The following OOSP1 variants were observed in gnomAD, a reference collection of about 807,000 sequenced individuals.
OOSP1 encodes oocyte secreted protein 1.
A neutral mutation model predicts 5.7 loss-of-function variants in OOSP1; 11 were observed. The observed-to-expected ratio is 1.94, with a 90% CI of 1.22 to 3.20. The LOEUF is 3.20. Among genes scored for constraint, OOSP1 ranks in the 30% most tolerant of loss-of-function variants. The pLI is 0.00. For missense variants in OOSP1, 83 were observed against 54.1 expected (o/e 1.53, Z -1.67); for synonymous variants, 44 against 20.0 (o/e 2.20, Z -3.20).
chr11:59,957,130 A>G (rs1453257447), intron 4 of OOSP1, 65 bp from the exon 5 acceptor site: 2 of 395,770 alleles, frequency 5.1e-6, no homozygotes, highest in Non-Finnish European at 4.5e-6. Flanking sequence ...GCTTCTTTGA[A>G]TTCTGTAAAA....
At chr11:59,938,902 C>A (rs933639333) in intron 1 of OOSP1, among the ~76,000 whole-genome samples, 2 of 152,144 alleles carry the variant, frequency 1.3e-5, no homozygotes, top group Non-Finnish European at 2.9e-5. Context: ...GTGTCACATA[C>A]AGGAAGAAAG....
At chr11:59,946,217 A>C (rs970229906) in intron 3 of OOSP1, among the ~76,000 whole-genome samples, 1 of 152,162 alleles carries the variant, frequency 6.6e-6, no homozygotes, top group East Asian at 1.9e-4. Flanking sequence ...TGAACTTCGC[A>C]TGTGAGGGAT....
chr11:59,945,412 A>G, intron 3 of OOSP1, 146 bp downstream of exon 3: 1 of 692,186 alleles, frequency 1.4e-6, no homozygotes, highest in South Asian at 1.5e-5. Flanking sequence ...AGATCTCTTG[A>G]TCCTTGGTGT....
intron 4 of OOSP1, among the ~76,000 whole-genome samples, chr11:59,954,687 A>G (rs932059871): frequency 1.9e-4 from 29 of 151,946 alleles, no homozygotes; most frequent in African/African-American, 7.0e-4. Flanking sequence ...CTATCTACAT[A>G]TTCTTCTACA....
chr11:59,946,813 G>C (rs1260105985), intron 3 of OOSP1, among the ~76,000 whole-genome samples: 1 of 150,828 alleles, frequency 6.6e-6, no homozygotes, highest in Non-Finnish European at 1.5e-5. Flanking sequence ...GGATTTGTGG[G>C]TTAAGATTGG....
chr11:59,945,921 C>G (rs1853878388), intron 3 of OOSP1, among the ~76,000 whole-genome samples: 1 of 152,022 alleles, frequency 6.6e-6, no homozygotes, highest in Non-Finnish European at 1.5e-5. Flanking sequence ...AAAGCTGGAG[C>G]AGGCATACTC....
Position 59,957,220 on chromosome 11 carries a change from G to GAT in OOSP1, c.515_516dup (p.Leu173IlefsTer3). The GAT allele has an allele frequency of 2.5e-6, 1 of 397,816 alleles. No homozygotes were observed. Among genetic ancestry groups the GAT allele is most frequent in the Non-Finnish European group, 4.4e-6 (1 of 225,626 alleles). The allele number at this position is 397,816 out of a possible 1,614,324, so 24.6% of individuals were successfully genotyped here. A position where few individuals can be genotyped will look rare whatever the true frequency, so the allele number is the denominator to read the frequency against. ...GTTTTAAAAGTGAAGGTTATTTTTA[G>GAT]ATATCTGCTAATATTTATCTCAAGA... On this transcript the variant is annotated frameshift_variant, in exon 5 of 5. Transcript: ENST00000646685. LOFTEE classifies it high-confidence loss of function.
chr11:59,956,744 C>G (rs1468649399), intron 4 of OOSP1, among the ~76,000 whole-genome samples: 3 of 152,104 alleles, frequency 2.0e-5, no homozygotes, highest in Non-Finnish European at 4.4e-5. Flanking sequence ...TCCACTGTAT[C>G]TTTCTTATGC....
At chr11:59,952,833 A>T (rs923645749) in intron 4 of OOSP1, among the ~76,000 whole-genome samples, 2 of 152,182 alleles carry the variant, frequency 1.3e-5, no homozygotes, top group African/African-American at 4.8e-5. Flanking sequence ...TAGTTTTAGC[A>T]TCCACTGATT....
chr11:59,942,712 A>T, intron 1 of OOSP1, 135 bp from the exon 2 acceptor site: 1 of 573,182 alleles, frequency 1.7e-6, no homozygotes, highest in African/African-American at 1.9e-5. Context: ...ATGTTTTGCA[A>T]ACTTGTTCAC....
intron 2 of OOSP1, among the ~76,000 whole-genome samples, chr11:59,944,743 A>G (rs78497168): frequency 0.022 from 3,392 of 152,268 alleles, 106 homozygotes; most frequent in African/African-American, 0.073. Context: ...AAATAAGAAA[A>G]CAGACTTAAT....
chr11:59,947,869 AC>A lies in OOSP1; in HGVS notation c.486+10del, dbSNP rs1853901999. On this transcript the variant is annotated splice_region_variant and intron_variant, in intron 4 of 4. Coordinates refer to ENST00000646685, the Ensembl canonical transcript of OOSP1. ...CTTCTGCAACACAATCTTGGTAAGAACCCTTCAAAACTGGCATCTTATGATT... is the reference window on the plus strand; with the variant it reads ...CTTCTGCAACACAATCTTGGTAAGAACCTTCAAAACTGGCATCTTATGATT... The A allele has an allele frequency of 2.5e-6, 1 of 398,740 alleles. No homozygotes were observed. 24.7% of individuals were successfully genotyped at this position (398,740 alleles called of 1,614,324 possible). A position where few individuals can be genotyped will look rare whatever the true frequency, so the allele number is the denominator to read the frequency against.
At chr11:59,939,680 T>C (rs1442672425) in intron 1 of OOSP1, among the ~76,000 whole-genome samples, 1 of 151,604 alleles carries the variant, frequency 6.6e-6, no homozygotes, top group Non-Finnish European at 1.5e-5. Context: ...TCTCTTCCTG[T>C]TCCCTCTTCC....
intron 3 of OOSP1, among the ~76,000 whole-genome samples, chr11:59,946,340 C>A (rs1462303607): frequency 6.6e-6 from 1 of 152,204 alleles, no homozygotes; most frequent in African/African-American, 2.4e-5. Flanking sequence ...ACAAAATTGG[C>A]CCCTGGTGCC....
In OOSP1 at chr11:59,941,185, G is replaced by GT. The variant is rs991686424; in HGVS notation, c.77-1654dup. On this transcript the variant is annotated intron_variant, in intron 1 of 4. Transcript: ENST00000646685. ...GAGTTTGTAACCTTTTGGAATTGGC[G>GT]TTTTTTTTCACTCAGTGTAATTCCT... Among the ~76,000 whole-genome samples the GT allele has an allele frequency of 4.6e-5, 7 of 151,602 alleles. No homozygotes were observed. In the East Asian group the frequency reaches 5.8e-4, roughly 13 times the overall value.
At chr11:59,948,784 A>G in intron 4 of OOSP1, 1 of 398,142 alleles carries the variant, frequency 2.5e-6, no homozygotes, top group Non-Finnish European at 4.4e-6. Flanking sequence ...CCCCTTTGAT[A>G]TTGAGAGGCA....
rs552126331 is a variant in OOSP1, at chr11:59,947,535, T to C, written c.357-198T>C. ...AGAAGTGAACCCAGAAGTCTGTTTT[T>C]TAAGTCTTTGCTTCTTAGCACCACA... On this transcript the variant is annotated intron_variant, in intron 3 of 4. Transcript: ENST00000646685. Among the ~76,000 whole-genome samples, 3 of 152,284 alleles carry C rather than the reference T, an allele frequency of 2.0e-5. 1 individual carries two copies. The South Asian group carries it at 6.2e-4, about 32-fold the overall frequency.
At chr11:59,954,787 G>A (rs146033774) in intron 4 of OOSP1, among the ~76,000 whole-genome samples, 140 of 151,994 alleles carry the variant, frequency 9.2e-4, no homozygotes, top group Non-Finnish European at 1.4e-3. Flanking sequence ...GTAGTTTTGA[G>A]GATTCATGTA....
intron 4 of OOSP1, among the ~76,000 whole-genome samples, chr11:59,955,403 A>G (rs1242054613): frequency 6.6e-6 from 1 of 152,138 alleles, no homozygotes; most frequent in African/African-American, 2.4e-5. Flanking sequence ...ATAGGAAACC[A>G]TGACTTTTAG....
Sources: allele counts gnomAD v4.1 joint callset (sites outside exome capture counted in the v4.1 genomes callset), GRCh38; gene constraint gnomAD v4.1.1; transcripts MANE v1.5; gene names NCBI Gene and HGNC (gene_info 2026-07-23, HGNC 2026-07-21).